REC114: variants seen among roughly 807,000 people sequenced by gnomAD.
REC114 encodes meiotic recombination protein REC114.
Under a neutral mutation model 31.3 loss-of-function variants are expected in REC114, and 27 were observed. The observed-to-expected ratio is 0.86, with a 90% confidence interval of 0.64 to 1.19. The LOEUF (loss-of-function observed/expected upper bound fraction) is 1.19. Ranked by LOEUF, REC114 falls within the 50% of genes most tolerant of loss-of-function variation. REC114 has a pLI of 0.00. For synonymous variants in REC114, 134 were observed against 127.7 expected, an observed-to-expected ratio of 1.05 and a Z score of -0.33; for missense variants, 344 against 326.9, an observed-to-expected ratio of 1.05 and a Z score of -0.40.
intron 2 of REC114, 57 bp downstream of exon 2, chr15:73,473,978 A>T (rs1893173979): frequency 8.5e-7 from 1 of 1,177,178 alleles, no homozygotes; most frequent in Non-Finnish European, 1.2e-6. Flanking sequence ...TCTTAGCTTT[A>T]CATGAATTTT....
At chr15:73,523,905 T>C (rs1893971751) in intron 2 of REC114, among the ~76,000 whole-genome samples, 1 of 152,236 alleles carries the variant, frequency 6.6e-6, no homozygotes, top group Non-Finnish European at 1.5e-5. Context: ...TCTTCCCAAC[T>C]ATGGATAATT....
intron 2 of REC114, among the ~76,000 whole-genome samples, chr15:73,492,531 C>T (rs1041426027): frequency 2.0e-5 from 3 of 152,140 alleles, no homozygotes; most frequent in Non-Finnish European, 2.9e-5. Context: ...TATAGGGCAG[C>T]GCTTCTCAAA....
chr15:73,535,465 C>T (rs986804559), intron 2 of REC114, among the ~76,000 whole-genome samples: 2 of 151,598 alleles, frequency 1.3e-5, no homozygotes, highest in Non-Finnish European at 2.9e-5. Flanking sequence ...ATCCAACTTA[C>T]AAGGGATGTG....
At position 73,471,386 on chromosome 15, in the gene REC114, C is replaced by T. The variant is rs118121346; in HGVS notation, c.160-2446C>T. Among the ~76,000 whole-genome samples, 21 of 152,168 alleles carry T rather than the reference C, an allele frequency of 1.4e-4. No individual in the cohort carries two copies. In the East Asian group the frequency reaches 4.1e-3, roughly 29 times the overall value. ...GAAAGAATTAATTTCTTAAGTGTTG[C>T]ATATAGAAACCTGAAAAAGAAGAAA... is the stretch of plus-strand genomic sequence containing the variant. On this transcript the variant is annotated intron_variant, in intron 1 of 5. Coordinates refer to ENST00000331090, the MANE Select transcript of REC114 (RefSeq NM_001042367.2).
intron 2 of REC114, among the ~76,000 whole-genome samples, chr15:73,475,691 A>C (rs1299701977): frequency 6.6e-6 from 1 of 152,194 alleles, no homozygotes; most frequent in Admixed American, 6.5e-5. Flanking sequence ...ATACTTTTTA[A>C]AATAAATTTA....
chr15:73,472,482 G>A (rs1054824235), intron 1 of REC114, among the ~76,000 whole-genome samples: 10 of 152,256 alleles, frequency 6.6e-5, no homozygotes, highest in Middle Eastern at 6.8e-3. Context: ...CAAACCCCAC[G>A]TATGAAACTA....
chr15:73,518,435 A>G (rs1383712271), intron 2 of REC114, among the ~76,000 whole-genome samples: 1 of 152,238 alleles, frequency 6.6e-6, no homozygotes, highest in Non-Finnish European at 1.5e-5. Flanking sequence ...TCTGATCCTT[A>G]CAATAAATAA....
At chr15:73,525,888 T>G (rs1325365466) in intron 2 of REC114, among the ~76,000 whole-genome samples, 1 of 152,214 alleles carries the variant, frequency 6.6e-6, no homozygotes, top group Non-Finnish European at 1.5e-5. Context: ...ATTCCTAATG[T>G]TATTCAGTCT....
At chr15:73,514,185 C>T (rs1421919584) in intron 2 of REC114, among the ~76,000 whole-genome samples, 1 of 151,288 alleles carries the variant, frequency 6.6e-6, no homozygotes, top group Non-Finnish European at 1.5e-5. Flanking sequence ...GCGCAATATT[C>T]GGGTGGGAGT....
intron 2 of REC114, among the ~76,000 whole-genome samples, chr15:73,498,795 A>G (rs912151579): frequency 5.3e-5 from 8 of 152,204 alleles, no homozygotes; most frequent in Admixed American, 3.3e-4. Context: ...ACAGTAAAAG[A>G]TTAGAAATAG....
chr15:73,557,170 A>G (rs998365817), intron 5 of REC114, among the ~76,000 whole-genome samples: 1 of 151,580 alleles, frequency 6.6e-6, no homozygotes, highest in Non-Finnish European at 1.5e-5. Context: ...CCTGGGTTCA[A>G]GTGATTTTCC....
intron 1 of REC114, among the ~76,000 whole-genome samples, chr15:73,452,777 A>G (rs1438745405): frequency 6.6e-6 from 1 of 152,218 alleles, no homozygotes; most frequent in African/African-American, 2.4e-5. Flanking sequence ...ACTGGTACCA[A>G]AACAGATATA....
chr15:73,468,043 A>G (rs971782723), intron 1 of REC114, among the ~76,000 whole-genome samples: 1 of 152,110 alleles, frequency 6.6e-6, no homozygotes, highest in South Asian at 2.1e-4. Flanking sequence ...TCTGATTACA[A>G]TAGGTTCACC....
intron 1 of REC114, among the ~76,000 whole-genome samples, chr15:73,464,501 A>G (rs566168897): frequency 9.9e-5 from 15 of 151,954 alleles, no homozygotes; most frequent in Non-Finnish European, 1.8e-4. Flanking sequence ...TGTCTAACTT[A>G]TGGGTCTTTT....
At chr15:73,525,706 A>G (rs1051905755) in intron 2 of REC114, among the ~76,000 whole-genome samples, 1 of 151,980 alleles carries the variant, frequency 6.6e-6, no homozygotes, top group African/African-American at 2.4e-5. Flanking sequence ...ATAGTATTTC[A>G]TTCTTCTTTT....
chr15:73,537,822 A>G (rs901124688), intron 2 of REC114, among the ~76,000 whole-genome samples: 6 of 152,194 alleles, frequency 3.9e-5, no homozygotes, highest in African/African-American at 1.2e-4. Flanking sequence ...CCCCTGCCAC[A>G]TCTGCACTGT....
chr15:73,509,924 G>A (rs1179765520), intron 2 of REC114, among the ~76,000 whole-genome samples: 2 of 151,590 alleles, frequency 1.3e-5, no homozygotes, highest in East Asian at 3.9e-4. Context: ...TGGCGATGCA[G>A]GCTCTTTTTT....
intron 1 of REC114, among the ~76,000 whole-genome samples, chr15:73,456,379 A>G (rs1338399750): frequency 6.6e-6 from 1 of 150,546 alleles, no homozygotes; most frequent in Non-Finnish European, 1.5e-5. Flanking sequence ...TCCTTTTTTT[A>G]TAGGAGGAAC....
chr15:73,538,459 T>TTC (rs1555404372), intron 2 of REC114, among the ~76,000 whole-genome samples: 1 of 147,926 alleles, frequency 6.8e-6, no homozygotes, highest in Non-Finnish European at 1.5e-5. Context: ...CTATTTCTTT[T>TTC]TTTTTTTTTT....
Sources: allele counts gnomAD v4.1 joint callset (sites outside exome capture counted in the v4.1 genomes callset), GRCh38; gene constraint gnomAD v4.1.1; transcripts MANE v1.5; gene names NCBI Gene and HGNC (gene_info 2026-07-23, HGNC 2026-07-21).